The following CADM2 variants were observed in gnomAD, a reference collection of about 807,000 sequenced individuals.
CADM2 encodes the protein immunoglobulin superfamily member 4D.
In CADM2, 12 loss-of-function variants were observed where a neutral mutation model predicts 49.8. The observed-to-expected ratio is 0.24, with a 90% CI of 0.15 to 0.39. The LOEUF (loss-of-function observed/expected upper bound fraction) is 0.39. Among genes scored for constraint, CADM2 ranks in the 10% least tolerant of loss-of-function variants. CADM2 has a pLI of 1.00. For synonymous variants in CADM2, 214 were observed against 175.4 expected (o/e 1.22, Z -1.74); for missense variants, 378 against 492.3 (o/e 0.77, Z 2.20).
At chr3:85,444,178 C>T (rs912025679) in intron 1 of CADM2, among the ~76,000 whole-genome samples, 1 of 152,060 alleles carries the variant, frequency 6.6e-6, no homozygotes. Flanking sequence ...AAGCTGCCAA[C>T]ATGTCTTTTC....
intron 1 of CADM2, among the ~76,000 whole-genome samples, chr3:85,473,873 A>G (rs1384366384): frequency 6.6e-6 from 1 of 152,032 alleles, no homozygotes; most frequent in African/African-American, 2.4e-5. Flanking sequence ...CACAAAACCT[A>G]AAGTCAAATC....
intron 8 of CADM2, among the ~76,000 whole-genome samples, chr3:86,043,335 T>C (rs531097548): frequency 1.1e-3 from 163 of 152,232 alleles, no homozygotes; most frequent in African/African-American, 3.9e-3. Flanking sequence ...AAAACCCCAT[T>C]GTCTCAGCCC....
intron 1 of CADM2, among the ~76,000 whole-genome samples, chr3:85,216,727 T>G (rs2107783083): frequency 6.6e-6 from 1 of 152,232 alleles, no homozygotes; most frequent in South Asian, 2.1e-4. Context: ...TGATTGAGTT[T>G]ATCTTGCTAT....
intron 1 of CADM2, among the ~76,000 whole-genome samples, chr3:85,501,907 C>T (rs2040133839): frequency 6.6e-6 from 1 of 152,030 alleles, no homozygotes; most frequent in African/African-American, 2.4e-5. Context: ...TGTCCTTAAG[C>T]CAAACACAGT....
intron 1 of CADM2, among the ~76,000 whole-genome samples, chr3:85,224,371 T>G (rs1385795600): frequency 6.6e-6 from 1 of 152,216 alleles, no homozygotes; most frequent in Non-Finnish European, 1.5e-5. Flanking sequence ...CATTTTTTCA[T>G]AAGTTTGTTG....
At chr3:85,413,289 GAAAC>G (rs1294228711) in intron 1 of CADM2, among the ~76,000 whole-genome samples, 1 of 150,834 alleles carries the variant, frequency 6.6e-6, no homozygotes, top group East Asian at 2.0e-4. Flanking sequence ...TACACATTCA[GAAAC>G]AAACATATTT....
intron 8 of CADM2, among the ~76,000 whole-genome samples, chr3:86,001,411 G>A (rs776779486): frequency 8.6e-5 from 13 of 151,786 alleles, no homozygotes; most frequent in South Asian, 6.2e-4. Context: ...TAGAAACCAC[G>A]AACTTGTAGC....
At chr3:85,875,438 C>T (rs1711690353) in intron 3 of CADM2, among the ~76,000 whole-genome samples, 1 of 152,108 alleles carries the variant, frequency 6.6e-6, no homozygotes, top group African/African-American at 2.4e-5. Flanking sequence ...TAACATCTGA[C>T]AAGTGTTAAG....
chr3:85,752,659 A>G (rs2068915700), intron 2 of CADM2, among the ~76,000 whole-genome samples: 1 of 152,092 alleles, frequency 6.6e-6, no homozygotes. Flanking sequence ...CTCCTGTCTC[A>G]TTGTCTAGTA....
At chr3:85,151,453 T>C (rs2039920363) in intron 1 of CADM2, among the ~76,000 whole-genome samples, 2 of 152,038 alleles carry the variant, frequency 1.3e-5, no homozygotes, top group Non-Finnish European at 2.9e-5. Context: ...CCCTTCATTA[T>C]TTCAGTCCAG....
intron 1 of CADM2, among the ~76,000 whole-genome samples, chr3:85,205,051 T>G (rs1393395373): frequency 6.6e-6 from 1 of 151,138 alleles, no homozygotes; most frequent in Non-Finnish European, 1.5e-5. Flanking sequence ...AGGATCTTAC[T>G]CTGTCACCTA....
chr3:85,134,343 G>A (rs1165597310), intron 1 of CADM2, among the ~76,000 whole-genome samples: 3 of 152,228 alleles, frequency 2.0e-5, no homozygotes, highest in Non-Finnish European at 4.4e-5. Flanking sequence ...CCCCTCAAGT[G>A]CCGCCAAAGT....
intron 3 of CADM2, among the ~76,000 whole-genome samples, chr3:85,880,908 A>T (rs1712661655): frequency 6.6e-6 from 1 of 151,942 alleles, no homozygotes; most frequent in South Asian, 2.1e-4. Flanking sequence ...TTCTTGATTG[A>T]TTCTCTATCT....
chr3:85,565,959 A>G (rs1298772578), intron 1 of CADM2, among the ~76,000 whole-genome samples: 3 of 152,220 alleles, frequency 2.0e-5, no homozygotes, highest in East Asian at 3.9e-4. Flanking sequence ...ACAGTATGAA[A>G]GATGGCTCAA....
At chr3:85,467,374 T>C (rs926147630) in intron 1 of CADM2, among the ~76,000 whole-genome samples, 11 of 152,190 alleles carry the variant, frequency 7.2e-5, no homozygotes, top group African/African-American at 1.9e-4. Flanking sequence ...ATGCTTGTTA[T>C]ATTGATTCTA....
intron 2 of CADM2, among the ~76,000 whole-genome samples, chr3:85,764,322 G>A (rs546538089): frequency 6.6e-6 from 1 of 151,898 alleles, no homozygotes; most frequent in Non-Finnish European, 1.5e-5. Flanking sequence ...AATTATTCTG[G>A]CAATTAAAAA....
chr3:85,926,009 CG>C (rs1719789490), intron 6 of CADM2, among the ~76,000 whole-genome samples: 1 of 151,774 alleles, frequency 6.6e-6, no homozygotes, highest in African/African-American at 2.4e-5. Context: ...TGGTGGAAGA[CG>C]CCTGTAGTCC....
chr3:85,962,216 G>C (rs573582092), intron 8 of CADM2, among the ~76,000 whole-genome samples: 107 of 152,032 alleles, frequency 7.0e-4, no homozygotes, highest in African/African-American at 2.5e-3. Flanking sequence ...ATCACACCCG[G>C]CTGATTGTCT....
In CADM2 at chr3:86,011,738, T is replaced by C. The variant is rs565848951; in HGVS notation, c.970+50091T>C. ...GTTGGTATAATTGAAAATGAGACTG[T>C]CCAAGAGAAATATGTAAAAAAAGAA... On this transcript the variant is annotated intron_variant, in intron 8 of 9. Transcript: ENST00000383699. Among the ~76,000 whole-genome samples the C allele has an allele frequency of 9.9e-5, 15 of 152,148 alleles. No individual in the cohort carries two copies. In the South Asian group the frequency reaches 3.1e-3, roughly 32 times the overall value.
Sources: gnomAD v4.1 joint callset for allele counts (sites outside exome capture counted in the v4.1 genomes callset) on GRCh38, gnomAD v4.1.1 for gene constraint, MANE v1.5 for transcripts, NCBI Gene and HGNC (gene_info 2026-07-23, HGNC 2026-07-21) for gene names.